ELMO2: variants seen among roughly 807,000 people sequenced by gnomAD.
The protein encoded by ELMO2 is engulfment and cell motility protein 2.
Under a neutral mutation model 96.2 loss-of-function variants are expected in ELMO2, and 37 were observed. The observed-to-expected ratio is 0.38, with a 90% CI of 0.30 to 0.51. ELMO2 has a LOEUF of 0.51. Among genes scored for constraint, ELMO2 ranks in the 20% least tolerant of loss-of-function variants. ELMO2 has a pLI of 0.88. For missense variants in ELMO2, 561 were observed against 912.6 expected, an observed-to-expected ratio of 0.61 and a Z score of 4.96; for synonymous variants, 315 against 329.4, an observed-to-expected ratio of 0.96 and a Z score of 0.47.
chr20:46,375,311 A>G lies in ELMO2; in HGVS notation c.990T>C (p.Pro330=), dbSNP rs759300853. ...CGGTCCCACTCCCAGGGGCATTGCT[A>G]GGATCAGACTCTGCGTCAAATGCAA... ...RRIAFDAESD[P]SNAPGSGTEK... is the part of the protein sequence containing the mutation. The change falls in exon 13 of 22, where the codon CCT becomes CCC. Residue 330 remains proline (P), a synonymous_variant. Transcript: ENST00000290246. This position sits in a 1 kb window ranked among gnomAD's most constrained non-coding sequence, Gnocchi z 4.6. 6.2e-7 allele frequency: 1 copy of G among 1,614,092 alleles called. No homozygotes were observed. The highest frequency in any genetic ancestry group is 8.5e-7 in the Non-Finnish European group (1 of 1,180,044).
intron 11 of ELMO2, among the ~76,000 whole-genome samples, chr20:46,377,558 A>G (rs889009205): frequency 6.6e-5 from 10 of 152,210 alleles, no homozygotes; most frequent in African/African-American, 2.4e-4. Flanking sequence ...TGAAATTAAA[A>G]TTACAAATTA....
chr20:46,376,978 CG>C (rs2056927559), intron 11 of ELMO2: 1 of 381,992 alleles, frequency 2.6e-6, no homozygotes, highest in Admixed American at 3.9e-5. Context: ...AATGCAGATA[CG>C]GAACACTTCC....
At chr20:46,370,002 GTGTA>G (rs2059668847) in intron 20 of ELMO2, 5 of 338,112 alleles carry the variant, frequency 1.5e-5, no homozygotes, top group Admixed American at 4.6e-5. Flanking sequence ...GTGTGTGTGT[GTGTA>G]TCCATATAAA....
At chr20:46,370,634 C>T in intron 19 of ELMO2, 109 bp from the exon 20 acceptor site, 2 of 1,026,486 alleles carry the variant, frequency 1.9e-6, no homozygotes, top group South Asian at 2.7e-5. Flanking sequence ...AAGCCTCAGC[C>T]CCAAACTCCA....
At position 46,394,168 on chromosome 20, in the gene ELMO2, C is replaced by T. The variant is rs559559053; in HGVS notation, c.79-79G>A. 1.1e-4 allele frequency: 155 copies of T among 1,347,968 alleles called. No homozygotes were observed. In the Admixed American group the frequency reaches 1.5e-3, roughly 13 times the overall value. The allele number at this position is 1,347,968 out of a possible 1,614,324, so 83.5% of individuals were successfully genotyped here. On this transcript the variant is annotated intron_variant, in intron 3 of 21. Transcript: ENST00000290246. ...AGGTTCTGACAAGAGGCCTGCCAAG[C>T]AGGGTCAAGCTGGGGCATGAGAATG...
intron 9 of ELMO2, among the ~76,000 whole-genome samples, chr20:46,385,715 G>A (rs1371585812): frequency 1.3e-5 from 2 of 152,136 alleles, no homozygotes; most frequent in Non-Finnish European, 2.9e-5. Flanking sequence ...CAAAACAGGG[G>A]ATACAACAAT....
chr20:46,391,206 G>A (rs576635200), intron 6 of ELMO2, among the ~76,000 whole-genome samples: 1 of 152,194 alleles, frequency 6.6e-6, no homozygotes, highest in Non-Finnish European at 1.5e-5. Context: ...CAGGAGAAGA[G>A]GGGGAGGCAG....
At chr20:46,370,079 G>A (rs2059670514) in intron 20 of ELMO2, 1 of 387,146 alleles carries the variant, frequency 2.6e-6, no homozygotes, top group African/African-American at 2.1e-5. Flanking sequence ...GTCACCATCA[G>A]TGGAATATTT....
intron 16 of ELMO2, 30 bp downstream of exon 16, chr20:46,373,369 T>C (rs777309404): frequency 6.2e-7 from 1 of 1,613,012 alleles, no homozygotes; most frequent in Non-Finnish European, 8.5e-7. Context: ...TCTCCTCCCG[T>C]GGGCCTCAGA....
chr20:46,378,284 G>A (rs2059899354), intron 11 of ELMO2, among the ~76,000 whole-genome samples: 8 of 152,176 alleles, frequency 5.3e-5, no homozygotes, highest in Admixed American at 5.2e-4. Context: ...CTGGACTTCA[G>A]TGACCATGCA....
At chr20:46,394,020 T>C (rs374343099) in intron 4 of ELMO2, 29 bp downstream of exon 4, 29 of 1,613,830 alleles carry the variant, frequency 1.8e-5, no homozygotes, top group Non-Finnish European at 2.0e-5. Flanking sequence ...GAGCTGCCAC[T>C]GTTGAAAACG....
At chr20:46,386,971 C>T (rs988105251) in intron 8 of ELMO2, among the ~76,000 whole-genome samples, 1 of 152,124 alleles carries the variant, frequency 6.6e-6, no homozygotes, top group African/African-American at 2.4e-5. Flanking sequence ...GGCAAATTTA[C>T]AAATGAAATG....
intron 1 of ELMO2, among the ~76,000 whole-genome samples, chr20:46,404,465 G>A (rs1030348768): frequency 3.3e-5 from 5 of 152,196 alleles, no homozygotes; most frequent in African/African-American, 1.2e-4. Flanking sequence ...AAGATGAACA[G>A]ATAGAGGTCC....
intron 6 of ELMO2, among the ~76,000 whole-genome samples, chr20:46,390,524 G>T (rs2060133154): frequency 6.6e-6 from 1 of 152,192 alleles, no homozygotes; most frequent in Non-Finnish European, 1.5e-5. Context: ...CCTAGCACAT[G>T]AACTTTTCCT....
chr20:46,372,482 T>C (rs2059741310), intron 16 of ELMO2, among the ~76,000 whole-genome samples: 1 of 152,082 alleles, frequency 6.6e-6, no homozygotes. Flanking sequence ...AATACAAAAA[T>C]TAGCCAGGTG....
chr20:46,395,685 A>C lies in ELMO2; in HGVS notation c.-50-1153T>G, dbSNP rs113499991. Among the ~76,000 whole-genome samples the C allele has an allele frequency of 7.1e-3, 1,081 of 152,326 alleles. 15 individuals are homozygous for C. The highest frequency in any genetic ancestry group is 0.025 in the African/African-American group (1,036 of 41,570). On this transcript the variant is annotated intron_variant, in intron 2 of 21. Transcript: ENST00000290246. Reference sequence around the variant, plus strand: ...AAAAGGAGTAAAAGTCCTGTCCCCCACAAGCCCATCGGCCTCAGAAAGAGG... The same window carrying C: ...AAAAGGAGTAAAAGTCCTGTCCCCCCCAAGCCCATCGGCCTCAGAAAGAGG...
chr20:46,383,174 C>A (rs1206865567), intron 10 of ELMO2, among the ~76,000 whole-genome samples: 2 of 152,162 alleles, frequency 1.3e-5, no homozygotes, highest in Admixed American at 6.5e-5. Context: ...TATTCTCTGG[C>A]CCTTTAGAGG....
intron 1 of ELMO2, among the ~76,000 whole-genome samples, chr20:46,404,735 C>T (rs2060396736): frequency 1.3e-5 from 2 of 152,104 alleles, no homozygotes; most frequent in Admixed American, 6.5e-5. Flanking sequence ...GTACAAAAAA[C>T]AAGAACGTAA....
intron 1 of ELMO2, among the ~76,000 whole-genome samples, chr20:46,403,532 C>T (rs1345412574): frequency 6.6e-6 from 1 of 152,174 alleles, no homozygotes; most frequent in African/African-American, 2.4e-5. Flanking sequence ...GAGTTTAAAT[C>T]CAACATTTTT....
Sources: allele counts gnomAD v4.1 joint callset (sites outside exome capture counted in the v4.1 genomes callset), GRCh38; gene constraint gnomAD v4.1.1; non-coding constraint Gnocchi (gnomAD v3.1); transcripts MANE v1.5; gene names NCBI Gene and HGNC (gene_info 2026-07-23, HGNC 2026-07-21).